SNTG1: variants seen among roughly 807,000 people sequenced by gnomAD.
SNTG1 encodes the protein syntrophin gamma 1.
SNTG1 carries 39 observed loss-of-function variants against 74.7 expected under a neutral mutation model. The observed-to-expected ratio is 0.52, with a 90% CI of 0.40 to 0.68. The LOEUF (loss-of-function observed/expected upper bound fraction) is 0.68, where lower values mean the gene tolerates loss of function less well. Ranked by LOEUF, SNTG1 falls within the 30% of genes least tolerant of loss-of-function variation. The pLI, the probability that SNTG1 is intolerant of heterozygous loss-of-function variation, is 0.00. For synonymous variants in SNTG1, 254 were observed against 217.1 expected (o/e 1.17, Z -1.49); for missense variants, 685 against 609.5 (o/e 1.12, Z -1.30).
At chr8:50,137,384 C>T (rs1238342024) in intron 1 of SNTG1, among the ~76,000 whole-genome samples, 2 of 152,114 alleles carry the variant, frequency 1.3e-5, no homozygotes, top group South Asian at 2.1e-4. Context: ...GCTCTCACTG[C>T]CTGTAGTCAA....
chr8:50,746,535 A>G (rs2095555464), intron 17 of SNTG1, among the ~76,000 whole-genome samples: 1 of 151,992 alleles, frequency 6.6e-6, no homozygotes, highest in African/African-American at 2.4e-5. Flanking sequence ...TCTGATGAGG[A>G]ACTGAGAACC....
chr8:49,916,152 C>T (rs1806008734), intron 1 of SNTG1, among the ~76,000 whole-genome samples: 1 of 145,662 alleles, frequency 6.9e-6, no homozygotes, highest in Non-Finnish European at 1.5e-5. Context: ...ATTATATCAT[C>T]ACTTACTTAG....
At chr8:50,140,587 G>A (rs886274606) in intron 1 of SNTG1, among the ~76,000 whole-genome samples, 1 of 152,096 alleles carries the variant, frequency 6.6e-6, no homozygotes, top group African/African-American at 2.4e-5. Context: ...AATGTTTATA[G>A]TATGTGGATG....
intron 1 of SNTG1, among the ~76,000 whole-genome samples, chr8:50,111,474 G>T (rs1405421039): frequency 6.6e-6 from 1 of 152,058 alleles, no homozygotes; most frequent in African/African-American, 2.4e-5. Flanking sequence ...AGAAAACCAT[G>T]TGAGGTCACA....
chr8:50,229,511 GA>G (rs2085507241), intron 2 of SNTG1, among the ~76,000 whole-genome samples: 1 of 151,426 alleles, frequency 6.6e-6, no homozygotes, highest in Admixed American at 6.6e-5. Context: ...AGATTATCAG[GA>G]ATAATGATCC....
At chr8:50,595,550 G>A (rs956209502) in intron 13 of SNTG1, among the ~76,000 whole-genome samples, 17 of 152,064 alleles carry the variant, frequency 1.1e-4, no homozygotes, top group African/African-American at 4.1e-4. Flanking sequence ...ATGTGTGTGT[G>A]TTGAATTTAT....
chr8:50,228,750 A>C (rs181034009), intron 2 of SNTG1, among the ~76,000 whole-genome samples: 1 of 152,000 alleles, frequency 6.6e-6, no homozygotes, highest in East Asian at 1.9e-4. Context: ...ATTCATCACT[A>C]GAAAATATGA....
intron 1 of SNTG1, among the ~76,000 whole-genome samples, chr8:50,054,244 C>A (rs1481843551): frequency 6.6e-6 from 1 of 152,090 alleles, no homozygotes; most frequent in African/African-American, 2.4e-5. Context: ...GCTCCCTTCT[C>A]AGCAAATGAT....
chr8:50,036,381 A>T (rs191880663), intron 1 of SNTG1, among the ~76,000 whole-genome samples: 1 of 152,152 alleles, frequency 6.6e-6, no homozygotes, highest in African/African-American at 2.4e-5. Flanking sequence ...CTTAAAACAT[A>T]TTATCTTTCC....
chr8:50,595,031 T>C (rs1165776460), intron 13 of SNTG1, among the ~76,000 whole-genome samples: 1 of 150,474 alleles, frequency 6.6e-6, no homozygotes, highest in Non-Finnish European at 1.5e-5. Context: ...TGTGTGTGTG[T>C]GTGTGTGTGT....
chr8:50,627,399 G>A (rs1292257593), intron 13 of SNTG1, among the ~76,000 whole-genome samples: 1 of 152,170 alleles, frequency 6.6e-6, no homozygotes, highest in Admixed American at 6.5e-5. Context: ...TGTCATGTGA[G>A]GACAGAGTGT....
At chr8:50,599,411 T>C (rs2094756274) in intron 13 of SNTG1, among the ~76,000 whole-genome samples, 1 of 152,106 alleles carries the variant, frequency 6.6e-6, no homozygotes, top group Admixed American at 6.5e-5. Flanking sequence ...GTCATTGGCA[T>C]TTTGTTAGGA....
Position 50,434,897 on chromosome 8 carries a change from A to T in SNTG1, c.163-3646A>T, listed in dbSNP as rs373019425. Among the ~76,000 whole-genome samples the T allele has an allele frequency of 2.0e-5, 3 of 152,218 alleles. No individual in the cohort carries two copies. In the East Asian group the frequency reaches 5.8e-4, roughly 30 times the overall value. On this transcript the variant is annotated intron_variant, in intron 4 of 18. Transcript: ENST00000642720. ...AATTAATACAAACAATTTTCCAATG[A>T]TAATCTCTTTAGTTTCTGCATGATT...
rs1811434626 is a variant in SNTG1, at chr8:49,969,385, A to ATATTTTTTT, written c.-103+57155_-103+57156insATTTTTTTT. Reference sequence around the variant, plus strand: ...GCAAATACACATTTTAATTCATTTAATCTTTTTTTTTTTTTTTTTTTTTTT... The same window carrying ATATTTTTTT: ...GCAAATACACATTTTAATTCATTTAATATTTTTTTTCTTTTTTTTTTTTTTTTTTTTTTT... On this transcript the variant is annotated intron_variant, in intron 1 of 18. Transcript: ENST00000642720. Among the ~76,000 whole-genome samples, 2 of 116,628 alleles carry ATATTTTTTT rather than the reference A, an allele frequency of 1.7e-5. 1 individual carries two copies. Among genetic ancestry groups the ATATTTTTTT allele is most frequent in the Non-Finnish European group, 3.4e-5 (2 of 58,524 alleles). The allele number at this position is 116,628 out of a possible 152,430, so 76.5% of individuals were successfully genotyped here.
intron 13 of SNTG1, among the ~76,000 whole-genome samples, chr8:50,631,248 C>A (rs1398437646): frequency 1.3e-5 from 2 of 152,162 alleles, no homozygotes; most frequent in African/African-American, 4.8e-5. Context: ...GAAGCTGGGG[C>A]TTTGTATAAG....
chr8:50,349,363 C>G (rs1248680706), intron 2 of SNTG1, among the ~76,000 whole-genome samples: 1 of 151,946 alleles, frequency 6.6e-6, no homozygotes, highest in Non-Finnish European at 1.5e-5. Context: ...GTTTTTTAAT[C>G]TATATATTTT....
intron 1 of SNTG1, among the ~76,000 whole-genome samples, chr8:50,115,601 G>A (rs1025089300): frequency 2.3e-5 from 2 of 87,956 alleles, no homozygotes; most frequent in African/African-American, 3.1e-5. Flanking sequence ...GATGGTTGAA[G>A]GCCTTTGTAG....
intron 9 of SNTG1, among the ~76,000 whole-genome samples, chr8:50,512,635 A>G (rs967382204): frequency 6.6e-6 from 1 of 152,036 alleles, no homozygotes; most frequent in African/African-American, 2.4e-5. Flanking sequence ...TTTTTTCTCT[A>G]AACTTCTCTT....
chr8:50,233,313 A>G (rs2085726533), intron 2 of SNTG1, among the ~76,000 whole-genome samples: 1 of 151,680 alleles, frequency 6.6e-6, no homozygotes, highest in Non-Finnish European at 1.5e-5. Flanking sequence ...TGGAGGAAGG[A>G]TAGTCTTTTC....
Sources: allele counts gnomAD v4.1 joint callset (sites outside exome capture counted in the v4.1 genomes callset), GRCh38; gene constraint gnomAD v4.1.1; transcripts MANE v1.5; gene names NCBI Gene and HGNC (gene_info 2026-07-23, HGNC 2026-07-21).